KCNQ1: variants seen among roughly 807,000 people sequenced by gnomAD.
KCNQ1 encodes potassium voltage-gated channel subfamily KQT member 1.
A neutral mutation model predicts 72.4 loss-of-function variants in KCNQ1; 49 were observed. The observed-to-expected ratio is 0.68, with a 90% CI of 0.54 to 0.86. The LOEUF (loss-of-function observed/expected upper bound fraction) is 0.86. Among genes scored for constraint, KCNQ1 ranks in the 40% least tolerant of loss-of-function variants. KCNQ1 has a pLI of 0.00. For missense variants in KCNQ1, 790 were observed against 945.1 expected (o/e 0.84, Z 2.15); for synonymous variants, 450 against 412.6 (o/e 1.09, Z -1.10).
In KCNQ1 at chr11:2,838,275, AG is replaced by A. The variant is rs1161074792; in HGVS notation, c.1795-9490del. ...GTGCCAAACTATCCACATGCCCGTC[AG>A]GCACCTGGAGGAGTGTGAAACGGCA... On this transcript the variant is annotated intron_variant, in intron 15 of 15. Coordinates refer to ENST00000155840, the MANE Select transcript of KCNQ1 (RefSeq NM_000218.3). 2.0e-5 allele frequency among the ~76,000 whole-genome samples: 3 copies of A among 152,324 alleles called. No individual in the cohort carries two copies. The East Asian group carries it at 5.8e-4, about 29-fold the overall frequency.
rs913384457 is a variant in KCNQ1 at position 2,735,464 on chromosome 11, A to G, written c.1515-33380A>G. Among the ~76,000 whole-genome samples, 2 of 149,574 alleles carry G rather than the reference A, an allele frequency of 1.3e-5. No homozygotes were observed. Among genetic ancestry groups the G allele is most frequent in the Non-Finnish European group, 1.5e-5 (1 of 67,556 alleles). On this transcript the variant is annotated intron_variant, in intron 11 of 15. Transcript: ENST00000155840. The surrounding 1 kb of genome is among the most constrained non-coding windows in gnomAD (Gnocchi z 7.7). ...TCCTAGGCCAGGGATGCCTGAAGCC[A>G]CACTCCACTGCATTCAGCCACCGTC...
chr11:2,774,019 C>G (rs1480912688), intron 12 of KCNQ1, among the ~76,000 whole-genome samples: 2 of 151,976 alleles, frequency 1.3e-5, no homozygotes, highest in East Asian at 3.9e-4. Context: ...GGTTCAGCAT[C>G]CCATCTTACA....
chr11:2,696,576 T>C (rs1432910399), intron 11 of KCNQ1: 1 of 398,550 alleles, frequency 2.5e-6, no homozygotes, highest in Non-Finnish European at 4.4e-6. Flanking sequence ...TTTTAGAATA[T>C]GTTTGTTAAA....
chr11:2,766,020 C>T lies in KCNQ1; in HGVS notation c.1515-2824C>T, dbSNP rs542833411. On this transcript the variant is annotated intron_variant, in intron 11 of 15. Transcript: ENST00000155840. The surrounding 1 kb of genome is among the most constrained non-coding windows in gnomAD (Gnocchi z 4.4). ...CTGGCTATTTTCTTTGGGTTCACAG[C>T]TATTCTTTTCTACTCTGTCGTCCCT... Among the ~76,000 whole-genome samples the T allele has an allele frequency of 6.6e-6, 1 of 152,158 alleles. No individual in the cohort carries two copies. Among genetic ancestry groups the T allele is most frequent in the South Asian group, 2.1e-4 (1 of 4,824 alleles).
At chr11:2,580,380 C>T (rs1333953633) in intron 6 of KCNQ1, among the ~76,000 whole-genome samples, 3 of 151,670 alleles carry the variant, frequency 2.0e-5, no homozygotes, top group African/African-American at 7.3e-5. Flanking sequence ...AAAAACAATT[C>T]CATATTAATT....
intron 1 of KCNQ1, among the ~76,000 whole-genome samples, chr11:2,523,709 G>C (rs1414620751): frequency 6.6e-6 from 1 of 150,480 alleles, no homozygotes; most frequent in African/African-American, 2.4e-5. Flanking sequence ...AGGAGCTGCA[G>C]GTAATTCTGT....
chr11:2,487,824 G>A (rs7113944), intron 1 of KCNQ1, among the ~76,000 whole-genome samples: 4 of 151,670 alleles, frequency 2.6e-5, no homozygotes, highest in Admixed American at 6.6e-5. Flanking sequence ...ATAGTTTTAC[G>A]TCTTTTTTTT....
intron 1 of KCNQ1, among the ~76,000 whole-genome samples, chr11:2,467,764 G>GGGAC (rs1043552247): frequency 5.3e-5 from 8 of 152,214 alleles, no homozygotes; most frequent in Non-Finnish European, 7.3e-5. Flanking sequence ...GGGGGCTGTG[G>GGGAC]GGACCCCTTT....
chr11:2,776,574 G>A (rs1846705955), intron 13 of KCNQ1, among the ~76,000 whole-genome samples: 2 of 152,180 alleles, frequency 1.3e-5, no homozygotes, highest in Admixed American at 6.5e-5. Context: ...CCATCCTCCC[G>A]GGCCTGCACA....
intron 12 of KCNQ1, among the ~76,000 whole-genome samples, chr11:2,771,933 C>T (rs1197462834): frequency 1.3e-5 from 2 of 152,194 alleles, no homozygotes; most frequent in East Asian, 1.9e-4. Context: ...CTGAAGCAGA[C>T]TGGGAAACCC....
intron 11 of KCNQ1, chr11:2,680,223 A>G (rs2133879537): frequency 2.5e-6 from 1 of 398,240 alleles, no homozygotes; most frequent in East Asian, 3.6e-5. Context: ...AAAAAAAAAA[A>G]AAAAGTTGTC....
rs79495835 is a variant in KCNQ1 at position 2,832,764 on chromosome 11, G to A, written c.1795-15003G>A. Among the ~76,000 whole-genome samples the A allele has an allele frequency of 2.1e-4, 32 of 152,336 alleles. No individual in the cohort carries two copies. The East Asian group carries it at 5.2e-3, about 25-fold the overall frequency. ...TGGGGTGAAAGGCAAGGCTGGGGCT[G>A]ATGCTCCCCAAGGCAGGAGGAGACC... is the stretch of plus-strand genomic sequence containing the variant. On this transcript the variant is annotated intron_variant, in intron 15 of 15. Coordinates refer to ENST00000155840, the MANE Select transcript of KCNQ1 (RefSeq NM_000218.3).
At chr11:2,531,200 A>G (rs1847621457) in intron 2 of KCNQ1, among the ~76,000 whole-genome samples, 1 of 139,234 alleles carries the variant, frequency 7.2e-6, no homozygotes, top group African/African-American at 2.9e-5. Context: ...GCCCGTCTGC[A>G]GCTCGAGAAT....
In KCNQ1 at chr11:2,458,662, TGGATGGATGGATGGATGGATGGATC is replaced by T. The variant is rs1846230457; in HGVS notation, c.386+13180_386+13204del. ...ATGGATGGATGGATGGATGGATGGA[TGGATGGATGGATGGATGGATGGATC>T]GATCGATCTCACCAAGCCTCGTGCT... On this transcript the variant is annotated intron_variant, in intron 1 of 15. Coordinates refer to ENST00000155840, the MANE Select transcript of KCNQ1 (RefSeq NM_000218.3). The surrounding 1 kb of genome is among the most constrained non-coding windows in gnomAD (Gnocchi z 4.6). 1.1e-5 allele frequency among the ~76,000 whole-genome samples: 1 copy of T among 89,206 alleles called. No homozygotes were observed. Among genetic ancestry groups the T allele is most frequent in the African/African-American group, 5.2e-5 (1 of 19,172 alleles). 58.5% of individuals were successfully genotyped at this position (89,206 alleles called of 152,430 possible). A position where few individuals can be genotyped will look rare whatever the true frequency, so the allele number is the denominator to read the frequency against.
Position 2,653,785 on chromosome 11 carries a change from G to A in KCNQ1, c.1394-8176G>A. On this transcript the variant is annotated intron_variant, in intron 10 of 15. Transcript: ENST00000155840. The surrounding 1 kb of genome is among the most constrained non-coding windows in gnomAD (Gnocchi z 5.3). The stretch of plus-strand genomic sequence containing the variant: ...TGGGGTACAAGCCATCCTTGGACCT[G>A]CAGCTGTACCTCCGATGGCTGAGGC... The A allele has an allele frequency of 2.5e-6, 1 of 398,656 alleles. No individual in the cohort carries two copies. Among genetic ancestry groups the A allele is most frequent in the East Asian group, 3.6e-5 (1 of 28,062 alleles). 24.7% of individuals were successfully genotyped at this position (398,656 alleles called of 1,614,324 possible).
Position 2,475,208 on chromosome 11 carries a change from G to A in KCNQ1, c.386+29724G>A, listed in dbSNP as rs1158820862. 6.6e-6 allele frequency among the ~76,000 whole-genome samples: 1 copy of A among 152,078 alleles called. No homozygotes were observed. The highest frequency in any genetic ancestry group is 2.4e-5 in the African/African-American group (1 of 41,396). ...TTCTGCCCCTGGATTTAGCTATTCT[G>A]GATGTTTCATGTGCCTGAAATCATG... On this transcript the variant is annotated intron_variant, in intron 1 of 15. Transcript: ENST00000155840. This position sits in a 1 kb window ranked among gnomAD's most constrained non-coding sequence, Gnocchi z 5.8.
chr11:2,474,911 G>C (rs1468950674), intron 1 of KCNQ1, among the ~76,000 whole-genome samples: 1 of 152,200 alleles, frequency 6.6e-6, no homozygotes, highest in Non-Finnish European at 1.5e-5. Flanking sequence ...GAGGCATGGG[G>C]TGCATAGCTA....
chr11:2,474,358 T>C (rs1157451545), intron 1 of KCNQ1, among the ~76,000 whole-genome samples: 10 of 152,142 alleles, frequency 6.6e-5, no homozygotes, highest in Admixed American at 6.5e-4. Context: ...GAGGCTCACG[T>C]GGGTCTCTTT....
intron 10 of KCNQ1, chr11:2,614,737 C>T (rs1223207278): frequency 5.0e-6 from 2 of 398,206 alleles, no homozygotes; most frequent in Non-Finnish European, 8.9e-6. Context: ...GTCTATATGT[C>T]CATCCTTGTG....
Sources: allele counts gnomAD v4.1 joint callset (sites outside exome capture counted in the v4.1 genomes callset), GRCh38; gene constraint gnomAD v4.1.1; non-coding constraint Gnocchi (gnomAD v3.1); transcripts MANE v1.5; gene names NCBI Gene and HGNC (gene_info 2026-07-23, HGNC 2026-07-21).